TM9SF3: variants seen among roughly 807,000 people sequenced by gnomAD.
TM9SF3 encodes transmembrane 9 superfamily member 3.
A neutral mutation model predicts 78.6 loss-of-function variants in TM9SF3; 14 were observed. That is an observed-to-expected ratio of 0.18 (90% CI 0.12 to 0.28). The LOEUF is 0.28. TM9SF3 is among the 10% of genes least tolerant of loss of function. The probability of loss-of-function intolerance (pLI) is 1.00; values close to 1 mark genes in which losing one functional copy is unlikely to be tolerated. For synonymous variants in TM9SF3, 231 were observed against 241.7 expected (o/e 0.96, Z 0.41); for missense variants, 496 against 721.9 (o/e 0.69, Z 3.59).
chr10:96,540,328 T>C (rs1848007532), intron 9 of TM9SF3, among the ~76,000 whole-genome samples: 1 of 152,216 alleles, frequency 6.6e-6, no homozygotes. Context: ...ACTTTCTTCC[T>C]TTCCCTCCTG....
rs1132913 is a variant in TM9SF3 at position 96,520,863 on chromosome 10, C to T, written c.*1400G>A. On this transcript the variant is annotated 3_prime_UTR_variant, in exon 15 of 15. Coordinates refer to ENST00000371142, the MANE Select transcript of TM9SF3 (RefSeq NM_020123.4). ...AAGCAAGTCTGGAGATTTTAAAATA[C>T]GGGTCCCCTGTATGAGAGTAGCATA... 0.19 allele frequency: 74,890 copies of T among 396,432 alleles called. 7,903 individuals carry two copies. The highest frequency in any genetic ancestry group is 0.32 in the Admixed American group (7,160 of 22,626). The allele number at this position is 396,432 out of a possible 1,614,324, so 24.6% of individuals were successfully genotyped here. A position where few individuals can be genotyped will look rare whatever the true frequency, so the allele number is the denominator to read the frequency against.
intron 7 of TM9SF3, 127 bp from the exon 8 acceptor site, chr10:96,548,116 G>A: frequency 5.2e-6 from 3 of 574,604 alleles, no homozygotes; most frequent in Non-Finnish European, 8.7e-6. Context: ...ATCACAACCT[G>A]GACTACAAAT....
chr10:96,548,442 T>G (rs990843179), intron 7 of TM9SF3, among the ~76,000 whole-genome samples: 2 of 152,192 alleles, frequency 1.3e-5, no homozygotes, highest in Non-Finnish European at 2.9e-5. Context: ...TAATCTATAT[T>G]AAATACTATT....
chr10:96,560,955 C>A, intron 4 of TM9SF3: 1 of 472,636 alleles, frequency 2.1e-6, no homozygotes, highest in Non-Finnish European at 3.9e-6. Context: ...GTAAATTAAG[C>A]CCAAAGATGG....
intron 2 of TM9SF3, among the ~76,000 whole-genome samples, chr10:96,568,339 A>G (rs1848401950): frequency 6.6e-6 from 1 of 152,272 alleles, no homozygotes; most frequent in African/African-American, 2.4e-5. Flanking sequence ...AATAGGCTAT[A>G]TCTTTCGAAG....
At chr10:96,576,427 T>A (rs1848497457) in intron 2 of TM9SF3, 1 of 361,944 alleles carries the variant, frequency 2.8e-6, no homozygotes, top group South Asian at 1.0e-4. Context: ...CAATTAGCAA[T>A]GTCTGGTGAC....
chr10:96,560,579 G>T (rs555498260), intron 4 of TM9SF3: 4 of 680,644 alleles, frequency 5.9e-6, no homozygotes, highest in Non-Finnish European at 1.1e-5. Flanking sequence ...AGGAGGAGGC[G>T]AAATTCTTAA....
At chr10:96,580,473 A>G (rs1848553815) in intron 1 of TM9SF3, among the ~76,000 whole-genome samples, 1 of 152,008 alleles carries the variant, frequency 6.6e-6, no homozygotes, top group African/African-American at 2.4e-5. Flanking sequence ...TCACCATGTT[A>G]GCCAGGACGG....
chr10:96,571,930 C>T (rs1420473850), intron 2 of TM9SF3, among the ~76,000 whole-genome samples: 1 of 152,188 alleles, frequency 6.6e-6, no homozygotes, highest in East Asian at 1.9e-4. Flanking sequence ...TCCAGATCAT[C>T]TAATGTCCAT....
chr10:96,579,369 T>C (rs1448253582), intron 1 of TM9SF3, among the ~76,000 whole-genome samples: 2 of 152,176 alleles, frequency 1.3e-5, no homozygotes, highest in Non-Finnish European at 2.9e-5. Flanking sequence ...CTTGTGAAAA[T>C]AAGCACAAAA....
At position 96,544,152 on chromosome 10, in the gene TM9SF3, A is replaced by G. The variant is rs1233420071; in HGVS notation, c.1109T>C (p.Val370Ala). ...ATTGATGAAGAAGGCAGTGCCACAC[A>G]CCATAGCTGGGATAAGGAATGCCCC... ...FIGAFLIPAM[V>A]CGTAFFINFI... is the part of the protein sequence containing the mutation. Residue 370 changes from valine (V) to alanine (A), a missense_variant, in exon 9 of 15, where the codon GTG (valine) becomes GCG (alanine). By Grantham distance (64) the Val-to-Ala change is moderately conservative. Around this residue, in one of 4 missense-constraint regions of TM9SF3, gnomAD observed 280 missense variants for 422.6 expected, o/e 0.66. Transcript: ENST00000371142. 3 of 1,613,092 alleles carry G rather than the reference A, an allele frequency of 1.9e-6. No homozygotes were observed. Among genetic ancestry groups the G allele is most frequent in the African/African-American group, 2.7e-5 (2 of 74,904 alleles).
intron 9 of TM9SF3, among the ~76,000 whole-genome samples, chr10:96,539,992 C>T (rs1848003611): frequency 6.6e-6 from 1 of 152,180 alleles, no homozygotes; most frequent in African/African-American, 2.4e-5. Flanking sequence ...TGTGAAAATG[C>T]TTTGTAAACT....
chr10:96,576,863 A>G, intron 1 of TM9SF3, 34 bp from the exon 2 acceptor site: 1 of 1,448,828 alleles, frequency 6.9e-7, no homozygotes, highest in South Asian at 1.6e-5. Context: ...AATTAAAAAA[A>G]AAAAACACAC....
intron 1 of TM9SF3, among the ~76,000 whole-genome samples, chr10:96,584,009 G>A (rs1263825622): frequency 1.3e-5 from 2 of 152,142 alleles, no homozygotes; most frequent in East Asian, 3.9e-4. Flanking sequence ...ACTCCAGCCT[G>A]GGTGACAAGA....
At chr10:96,578,978 G>A (rs1425650225) in intron 1 of TM9SF3, among the ~76,000 whole-genome samples, 1 of 152,216 alleles carries the variant, frequency 6.6e-6, no homozygotes, top group African/African-American at 2.4e-5. Context: ...TTGGGAGGCT[G>A]AGGCAAGAGA....
chr10:96,552,145 A>G (rs1848177996), intron 6 of TM9SF3, among the ~76,000 whole-genome samples: 1 of 152,156 alleles, frequency 6.6e-6, no homozygotes, highest in Non-Finnish European at 1.5e-5. Flanking sequence ...GTATATTAAA[A>G]TTTAAAATTT....
intron 2 of TM9SF3, among the ~76,000 whole-genome samples, chr10:96,570,798 T>G (rs1416901650): frequency 6.6e-6 from 1 of 151,986 alleles, no homozygotes; most frequent in African/African-American, 2.4e-5. Context: ...CAGGCTGGAG[T>G]GCAGTGGTAC....
chr10:96,577,455 A>G (rs1467333233), intron 1 of TM9SF3: 1 of 152,226 alleles, frequency 6.6e-6, no homozygotes, highest in African/African-American at 2.4e-5. Flanking sequence ...TAATTATGGA[A>G]CTACATATCA....
intron 4 of TM9SF3, among the ~76,000 whole-genome samples, 156 bp from the exon 5 acceptor site, chr10:96,559,892 A>G (rs1848283028): frequency 6.6e-6 from 1 of 152,236 alleles, no homozygotes; most frequent in African/African-American, 2.4e-5. Context: ...AGTGGAAACG[A>G]TTATGATAAA....
Sources: allele counts gnomAD v4.1 joint callset (sites outside exome capture counted in the v4.1 genomes callset), GRCh38; gene constraint gnomAD v4.1.1; regional missense constraint gnomAD v4.1.1; transcripts MANE v1.5; gene names NCBI Gene and HGNC (gene_info 2026-07-23, HGNC 2026-07-21).